The following KIAA1328 variants were observed in gnomAD, a reference collection of about 807,000 sequenced individuals.
KIAA1328 encodes KIAA1328, also known as protein hinderin.
Under a neutral mutation model 68.1 loss-of-function variants are expected in KIAA1328, and 52 were observed. The observed-to-expected ratio is 0.76, with a 90% CI of 0.61 to 0.96. The LOEUF (loss-of-function observed/expected upper bound fraction) is 0.96. KIAA1328 is among the 40% of genes least tolerant of loss of function. The pLI is 0.00. For missense variants in KIAA1328, 641 were observed against 677.6 expected (o/e 0.95, Z 0.60); for synonymous variants, 232 against 239.4 (o/e 0.97, Z 0.28).
chr18:37,080,949 G>A (rs79695054), intron 7 of KIAA1328, among the ~76,000 whole-genome samples: 2,147 of 151,670 alleles, frequency 0.014, 48 homozygotes, highest in African/African-American at 0.05. Flanking sequence ...TGAGATGCCC[G>A]GAGAAACAGA....
rs555279687 is a variant in KIAA1328, at chr18:36,901,237, C to T, written c.448+15565C>T. Reference sequence around the variant, plus strand: ...TGATTGTAATACCTTATGGTGGAAGCTGTTATGTTAATGTTCTTGGGCATC... The same window carrying T: ...TGATTGTAATACCTTATGGTGGAAGTTGTTATGTTAATGTTCTTGGGCATC... On this transcript the variant is annotated intron_variant, in intron 5 of 9. Transcript: ENST00000280020. Among the ~76,000 whole-genome samples the T allele has an allele frequency of 3.3e-5, 5 of 152,028 alleles. No homozygotes were observed. The East Asian group carries it at 7.7e-4, about 24-fold the overall frequency.
intron 6 of KIAA1328, chr18:37,063,491 CT>C (rs2056231463): frequency 4.4e-6 from 1 of 224,938 alleles, no homozygotes; most frequent in Non-Finnish European, 7.4e-6. Flanking sequence ...GTAATATAAT[CT>C]CAGGATTTAT....
chr18:36,960,971 G>A (rs952931863), intron 6 of KIAA1328, among the ~76,000 whole-genome samples: 7 of 152,198 alleles, frequency 4.6e-5, no homozygotes, highest in African/African-American at 1.7e-4. Context: ...TGACTTTGAT[G>A]AGTTGACAGA....
intron 4 of KIAA1328, among the ~76,000 whole-genome samples, chr18:36,875,306 AT>A (rs1379072662): frequency 6.6e-6 from 1 of 152,158 alleles, no homozygotes; most frequent in Non-Finnish European, 1.5e-5. Context: ...TGAGCATGGA[AT>A]GTTTTTCCAT....
At chr18:37,077,295 T>G (rs1392186202) in intron 7 of KIAA1328, among the ~76,000 whole-genome samples, 1 of 120,318 alleles carries the variant, frequency 8.3e-6, no homozygotes, top group African/African-American at 4.4e-5. Flanking sequence ...GGCTTCATGC[T>G]AAAAACTCAA....
At chr18:37,019,584 T>A (rs796838557) in intron 6 of KIAA1328, among the ~76,000 whole-genome samples, 6 of 152,338 alleles carry the variant, frequency 3.9e-5, no homozygotes, top group African/African-American at 1.4e-4. Context: ...CATTGAACTG[T>A]GAAACCTCCT....
chr18:36,999,617 T>TC (rs2053516413), intron 6 of KIAA1328, among the ~76,000 whole-genome samples: 1 of 152,166 alleles, frequency 6.6e-6, no homozygotes, highest in Non-Finnish European at 1.5e-5. Flanking sequence ...GATGATATAT[T>TC]CCAAGGGCTC....
intron 7 of KIAA1328, among the ~76,000 whole-genome samples, chr18:37,107,867 T>TAAAA (rs58171345): frequency 7.0e-6 from 1 of 143,638 alleles, no homozygotes; most frequent in African/African-American, 2.5e-5. Context: ...ATTAAAAGGT[T>TAAAA]AAAAAAAAAA....
chr18:36,923,199 C>G (rs1206195252), intron 5 of KIAA1328, among the ~76,000 whole-genome samples: 2 of 151,954 alleles, frequency 1.3e-5, no homozygotes, highest in Non-Finnish European at 2.9e-5. Context: ...CCACTGAAAT[C>G]CTACATTAGA....
intron 7 of KIAA1328, among the ~76,000 whole-genome samples, chr18:37,101,039 C>G (rs905365761): frequency 6.6e-6 from 1 of 152,076 alleles, no homozygotes; most frequent in African/African-American, 2.4e-5. Flanking sequence ...TCATCAAATA[C>G]CAAAGGTAGA....
chr18:37,218,306 G>T (rs951906349), intron 9 of KIAA1328, among the ~76,000 whole-genome samples: 2 of 152,188 alleles, frequency 1.3e-5, no homozygotes, highest in Non-Finnish European at 2.9e-5. Context: ...GTTTGCTCCA[G>T]TATCTTACCA....
rs373710846 is a variant in KIAA1328, at chr18:37,056,720, G to C, written c.577-10170G>C. Among the ~76,000 whole-genome samples the C allele has an allele frequency of 1.8e-4, 27 of 150,680 alleles. No homozygotes were observed. The East Asian group carries it at 5.1e-3, about 29-fold the overall frequency. ...GGCTGGAGTGCAGTAGTGTGATCTC[G>C]GCTCACTGCAACCTCTGCCTCCTGG... On this transcript the variant is annotated intron_variant, in intron 6 of 9. Coordinates refer to ENST00000280020, the MANE Select transcript of KIAA1328 (RefSeq NM_020776.3).
chr18:37,160,403 G>T (rs770412425), intron 8 of KIAA1328, 22 bp downstream of exon 8: 1 of 1,593,282 alleles, frequency 6.3e-7, no homozygotes, highest in South Asian at 1.1e-5. Flanking sequence ...AACTGTAGTG[G>T]CAAAATGAGA....
intron 6 of KIAA1328, among the ~76,000 whole-genome samples, chr18:37,027,712 T>C (rs1166597771): frequency 3.9e-5 from 6 of 152,076 alleles, no homozygotes; most frequent in African/African-American, 1.4e-4. Flanking sequence ...TATACAAAAA[T>C]TAATTCAAGA....
intron 9 of KIAA1328, among the ~76,000 whole-genome samples, chr18:37,204,454 A>T (rs1395135291): frequency 6.6e-6 from 1 of 152,220 alleles, no homozygotes; most frequent in Non-Finnish European, 1.5e-5. Context: ...ACACAGGTAT[A>T]CATAAAAATA....
At chr18:37,150,941 TTGTC>T (rs1403475696) in intron 7 of KIAA1328, among the ~76,000 whole-genome samples, 2 of 152,220 alleles carry the variant, frequency 1.3e-5, no homozygotes, top group East Asian at 3.9e-4. Flanking sequence ...TTATTCAGCA[TTGTC>T]TGGGAGGTTC....
At chr18:37,044,753 C>T (rs1364903985) in intron 6 of KIAA1328, among the ~76,000 whole-genome samples, 5 of 149,744 alleles carry the variant, frequency 3.3e-5, no homozygotes, top group South Asian at 2.1e-4. Context: ...GAGCCGAGAT[C>T]GCGCCACTGC....
At chr18:37,106,351 T>C (rs1360095135) in intron 7 of KIAA1328, among the ~76,000 whole-genome samples, 1 of 152,026 alleles carries the variant, frequency 6.6e-6, no homozygotes, top group Non-Finnish European at 1.5e-5. Flanking sequence ...TGCCAATGGA[T>C]ATGAAGTTTC....
chr18:36,979,850 A>G (rs938808485), intron 6 of KIAA1328, among the ~76,000 whole-genome samples: 31 of 152,208 alleles, frequency 2.0e-4, no homozygotes, highest in African/African-American at 7.5e-4. Context: ...TACCAGTGCT[A>G]TGGTCTGATT....
Sources: gnomAD v4.1 joint callset for allele counts (sites outside exome capture counted in the v4.1 genomes callset) on GRCh38, gnomAD v4.1.1 for gene constraint, MANE v1.5 for transcripts, NCBI Gene and HGNC (gene_info 2026-07-23, HGNC 2026-07-21) for gene names.